RGS6: variants seen among roughly 807,000 people sequenced by gnomAD.
The protein encoded by RGS6 is regulator of G-protein signaling 6.
RGS6 carries 30 observed loss-of-function variants against 78.5 expected under a neutral mutation model. That is an observed-to-expected ratio of 0.38 (90% confidence interval 0.29 to 0.52). RGS6 has a LOEUF of 0.52. RGS6 is among the 20% of genes least tolerant of loss of function. The probability of loss-of-function intolerance (pLI) is 0.85; values close to 1 mark genes in which losing one functional copy is unlikely to be tolerated. For synonymous variants in RGS6, 206 were observed against 206.0 expected (o/e 1.00, Z 0.00); for missense variants, 495 against 609.7 (o/e 0.81, Z 1.98).
chr14:71,996,156 G>GTTT (rs5809549), intron 2 of RGS6, among the ~76,000 whole-genome samples: 3 of 145,276 alleles, frequency 2.1e-5, no homozygotes, highest in Non-Finnish European at 4.5e-5. Context: ...TTAGAAGTGT[G>GTTT]TTTTTTTTTT....
chr14:72,166,267 A>T (rs967949606), intron 2 of RGS6, among the ~76,000 whole-genome samples: 1 of 152,098 alleles, frequency 6.6e-6, no homozygotes, highest in Non-Finnish European at 1.5e-5. Context: ...TATATGTCTT[A>T]TTTTTAAAAA....
intron 13 of RGS6, among the ~76,000 whole-genome samples, chr14:72,507,136 T>C (rs562031140): frequency 1.3e-4 from 19 of 151,202 alleles, no homozygotes; most frequent in African/African-American, 4.6e-4. Context: ...CCCACTGCAC[T>C]CCAGCCTGGA....
chr14:72,394,764 A>G (rs910293445), intron 3 of RGS6, among the ~76,000 whole-genome samples: 23 of 152,194 alleles, frequency 1.5e-4, no homozygotes, highest in African/African-American at 5.3e-4. Flanking sequence ...GGTGACATAC[A>G]TCCTCAGCTT....
In RGS6 at chr14:71,951,961, T is replaced by C. The variant is rs560008230; in HGVS notation, c.-20-12811T>C. ...ATATTGACCTTGTATTCATTGACTT[T>C]GCTAAATTCACTGAATCCTAATAGT... On this transcript the variant is annotated intron_variant, in intron 1 of 17. Transcript: ENST00000553525. Among the ~76,000 whole-genome samples, 162 of 152,336 alleles carry C rather than the reference T, an allele frequency of 1.1e-3. 2 individuals carry two copies. The highest frequency in any genetic ancestry group is 3.7e-3 in the South Asian group (18 of 4,822).
At chr14:72,509,088 G>T (rs1181484213) in intron 13 of RGS6, among the ~76,000 whole-genome samples, 1 of 152,074 alleles carries the variant, frequency 6.6e-6, no homozygotes, top group Non-Finnish European at 1.5e-5. Context: ...ACTGGGGCCG[G>T]GTGCAGTGGC....
chr14:72,521,359 C>A (rs1041293331), intron 15 of RGS6, among the ~76,000 whole-genome samples: 4 of 152,144 alleles, frequency 2.6e-5, no homozygotes, highest in African/African-American at 9.7e-5. Flanking sequence ...TGTGGAGGCA[C>A]CATAGTTTAG....
chr14:72,260,791 A>G (rs910775981), intron 2 of RGS6, among the ~76,000 whole-genome samples: 3 of 152,220 alleles, frequency 2.0e-5, no homozygotes, highest in African/African-American at 7.2e-5. Flanking sequence ...CTTCCAACAT[A>G]CAGTATTTGA....
chr14:72,352,386 A>T (rs1301345211), intron 3 of RGS6, among the ~76,000 whole-genome samples, 192 bp downstream of exon 3: 1 of 152,222 alleles, frequency 6.6e-6, no homozygotes, highest in East Asian at 1.9e-4. Flanking sequence ...ATTAAGAATG[A>T]CCTTACCATG....
chr14:72,593,979 A>G, the RGS6 span, among the ~76,000 whole-genome samples: 3 of 151,842 alleles, frequency 2.0e-5, no homozygotes, highest in African/African-American at 7.3e-5. Context: ...CGATTTTCCT[A>G]AAGCCTCACA....
At position 72,000,256 on chromosome 14, in the gene RGS6, T is replaced by G. The variant is rs116686451; in HGVS notation, c.84+35381T>G. Among the ~76,000 whole-genome samples, 464 of 152,286 alleles carry G rather than the reference T, an allele frequency of 3.0e-3. 6 individuals carry two copies. Among genetic ancestry groups the G allele is most frequent in the African/African-American group, 0.011 (449 of 41,564 alleles). ...TTACATGAGGATGCAAAGGAAGAAG[T>G]GGACATGAGTCTTGGGCCATTCATG... is the stretch of plus-strand genomic sequence containing the variant. On this transcript the variant is annotated intron_variant, in intron 2 of 17. Coordinates refer to ENST00000553525, the MANE Select transcript of RGS6 (RefSeq NM_001204424.2).
intron 2 of RGS6, among the ~76,000 whole-genome samples, chr14:72,084,532 T>C (rs1189008016): frequency 6.6e-6 from 1 of 152,190 alleles, no homozygotes; most frequent in African/African-American, 2.4e-5. Context: ...AATAAAGAAA[T>C]TGAATTACAG....
At chr14:72,076,144 C>G (rs923549385) in intron 2 of RGS6, among the ~76,000 whole-genome samples, 4 of 152,180 alleles carry the variant, frequency 2.6e-5, no homozygotes, top group African/African-American at 4.8e-5. Flanking sequence ...CATGCCATTA[C>G]TAGAGGGAGG....
At chr14:72,118,855 T>C (rs183896179) in intron 2 of RGS6, among the ~76,000 whole-genome samples, 1 of 152,332 alleles carries the variant, frequency 6.6e-6, no homozygotes, top group Admixed American at 6.5e-5. Flanking sequence ...GTTTTGGTGT[T>C]GAAAGAGTTA....
rs545214705 is a variant in RGS6, at chr14:72,147,324, T to A, written c.84+182449T>A. Among the ~76,000 whole-genome samples, 5 of 152,344 alleles carry A rather than the reference T, an allele frequency of 3.3e-5. No individual in the cohort carries two copies. The South Asian group carries it at 1.0e-3, about 32-fold the overall frequency. On this transcript the variant is annotated intron_variant, in intron 2 of 17. Transcript: ENST00000553525. ...GATACCAATTTTTTGTCTTAGTTTA[T>A]TTTGTGCTGTTTATAACAGAATACC...
chr14:72,345,180 A>G (rs2077778326), intron 2 of RGS6, among the ~76,000 whole-genome samples: 1 of 152,112 alleles, frequency 6.6e-6, no homozygotes, highest in South Asian at 2.1e-4. Flanking sequence ...CACCTTTCAC[A>G]GAGAAGGGAT....
rs566770106 is a variant in RGS6 at position 72,450,389 on chromosome 14, A to G, written c.185-4139A>G. 1.4e-3 allele frequency among the ~76,000 whole-genome samples: 211 copies of G among 152,340 alleles called. 2 individuals carry two copies. Among genetic ancestry groups the G allele is most frequent in the Non-Finnish European group, 2.4e-3 (161 of 68,026 alleles). On this transcript the variant is annotated intron_variant, in intron 3 of 17. Coordinates refer to ENST00000553525, the MANE Select transcript of RGS6 (RefSeq NM_001204424.2). ...TGAAATACATATAACACATACAGAAACATAACCCATAACTGCATATCATAA... is the reference window on the plus strand; with the variant it reads ...TGAAATACATATAACACATACAGAAGCATAACCCATAACTGCATATCATAA...
At chr14:72,278,145 C>T (rs761332456) in intron 2 of RGS6, among the ~76,000 whole-genome samples, 1 of 152,146 alleles carries the variant, frequency 6.6e-6, no homozygotes, top group Non-Finnish European at 1.5e-5. Context: ...ACAGATTATT[C>T]GGGTGTTTGA....
At chr14:72,108,458 C>G (rs889382956) in intron 2 of RGS6, among the ~76,000 whole-genome samples, 12 of 151,732 alleles carry the variant, frequency 7.9e-5, no homozygotes, top group Non-Finnish European at 1.3e-4. Flanking sequence ...TATCTTAGGA[C>G]AGTTTTTCTT....
At chr14:72,221,725 C>G (rs539805941) in intron 2 of RGS6, among the ~76,000 whole-genome samples, 1 of 152,222 alleles carries the variant, frequency 6.6e-6, no homozygotes, top group South Asian at 2.1e-4. Flanking sequence ...CCTATTTTCC[C>G]CTTGAAAAAG....
Sources: allele counts gnomAD v4.1 joint callset (sites outside exome capture counted in the v4.1 genomes callset), GRCh38; gene constraint gnomAD v4.1.1; transcripts MANE v1.5; gene names NCBI Gene and HGNC (gene_info 2026-07-23, HGNC 2026-07-21).